Variants in DARS1 observed in about 807,000 individuals in gnomAD.
DARS1 encodes aspartyl-tRNA synthetase 1.
In DARS1, 51 loss-of-function variants were observed where a neutral mutation model predicts 68.8. The observed-to-expected ratio is 0.74, with a 90% CI of 0.59 to 0.94. The LOEUF (loss-of-function observed/expected upper bound fraction) is 0.94, where lower values mean the gene tolerates loss of function less well. DARS1 is among the 40% of genes least tolerant of loss of function. The probability of loss-of-function intolerance (pLI) is 0.00; values close to 1 mark genes in which losing one functional copy is unlikely to be tolerated. For missense variants in DARS1, 607 were observed against 597.3 expected (o/e 1.02, Z -0.17); for synonymous variants, 203 against 190.4 (o/e 1.07, Z -0.55).
intron 5 of DARS1, 147 bp from the exon 6 acceptor site, chr2:135,934,137 T>TA (rs1450342132): frequency 4.3e-6 from 6 of 1,382,350 alleles, no homozygotes; most frequent in Non-Finnish European, 5.7e-6. Context: ...AACAAGATGA[T>TA]ACAGGTTTTT....
At chr2:135,931,135 TAGA>T (rs1681334862) in intron 7 of DARS1, among the ~76,000 whole-genome samples, 1 of 152,236 alleles carries the variant, frequency 6.6e-6, no homozygotes, top group South Asian at 2.1e-4. Context: ...GTTTGTATTA[TAGA>T]AGAAGAATGG....
intron 11 of DARS1, 63 bp from the exon 12 acceptor site, chr2:135,914,574 G>T: frequency 1.1e-6 from 1 of 914,178 alleles, no homozygotes; most frequent in South Asian, 1.3e-5. Flanking sequence ...CATTAATAAG[G>T]AACTTCTTCT....
intron 4 of DARS1, among the ~76,000 whole-genome samples, chr2:135,956,617 G>C (rs1169521364): frequency 6.6e-6 from 1 of 152,164 alleles, no homozygotes; most frequent in Non-Finnish European, 1.5e-5. Flanking sequence ...AAAGGAATCT[G>C]AGGAGAGTTT....
intron 11 of DARS1, among the ~76,000 whole-genome samples, chr2:135,915,652 T>A (rs1680990021): frequency 6.6e-6 from 1 of 152,118 alleles, no homozygotes; most frequent in Non-Finnish European, 1.5e-5. Flanking sequence ...ATTTAGATAA[T>A]ACTATACTAA....
intron 2 of DARS1, among the ~76,000 whole-genome samples, chr2:135,981,123 G>C (rs1000518704): frequency 1.3e-5 from 2 of 152,190 alleles, no homozygotes; most frequent in Non-Finnish European, 2.9e-5. Flanking sequence ...ACCAAAGGCC[G>C]AATTTTACAT....
intron 5 of DARS1, among the ~76,000 whole-genome samples, chr2:135,935,508 G>T (rs1030483166): frequency 4.6e-5 from 7 of 152,128 alleles, no homozygotes; most frequent in Non-Finnish European, 8.8e-5. Flanking sequence ...GCTGAGGCAG[G>T]AGAATGGCGT....
intron 7 of DARS1, among the ~76,000 whole-genome samples, chr2:135,926,455 C>G (rs1681213405): frequency 1.3e-5 from 2 of 152,202 alleles, no homozygotes; most frequent in African/African-American, 4.8e-5. Context: ...AGACAGTGAA[C>G]AGTTATTCAC....
intron 6 of DARS1, 66 bp from the exon 7 acceptor site, chr2:135,932,908 A>G: frequency 1.3e-6 from 1 of 781,004 alleles, no homozygotes; most frequent in South Asian, 1.6e-5. Flanking sequence ...CACAAAAAAT[A>G]CTTTTAGAAG....
At chr2:135,952,405 T>C (rs528832445) in intron 4 of DARS1, among the ~76,000 whole-genome samples, 33 of 152,314 alleles carry the variant, frequency 2.2e-4, no homozygotes, top group Admixed American at 5.9e-4. Flanking sequence ...CATTTATCAC[T>C]TCCTTGTGGT....
chr2:135,972,324 A>T (rs567039891), intron 3 of DARS1, among the ~76,000 whole-genome samples: 6 of 152,310 alleles, frequency 3.9e-5, no homozygotes, highest in African/African-American at 1.4e-4. Context: ...AATAACATAC[A>T]TGGGGGAAAA....
chr2:135,914,417 CAA>C, intron 12 of DARS1, 50 bp downstream of exon 12: 1 of 906,132 alleles, frequency 1.1e-6, no homozygotes, highest in Admixed American at 1.7e-5. Context: ...TTTTTAGTCC[CAA>C]GAGACATTTC....
At chr2:135,962,037 C>G (rs1443781907) in intron 3 of DARS1, among the ~76,000 whole-genome samples, 1 of 152,162 alleles carries the variant, frequency 6.6e-6, no homozygotes, top group Admixed American at 6.5e-5. Context: ...AGGCTAGTGC[C>G]TTTCATGTTC....
chr2:135,963,711 GCT>G (rs1320765459), intron 3 of DARS1, among the ~76,000 whole-genome samples: 1 of 133,230 alleles, frequency 7.5e-6, no homozygotes, highest in Non-Finnish European at 1.6e-5. Context: ...ATGGCATCTC[GCT>G]CTGTTGCCCA....
At chr2:135,908,295 A>T (rs1680828819) in intron 15 of DARS1, among the ~76,000 whole-genome samples, 1 of 152,210 alleles carries the variant, frequency 6.6e-6, no homozygotes. Context: ...ACAGCGTTAA[A>T]ATACATAAAA....
intron 3 of DARS1, among the ~76,000 whole-genome samples, chr2:135,962,929 G>C (rs1015796485): frequency 6.6e-6 from 1 of 152,296 alleles, no homozygotes; most frequent in East Asian, 1.9e-4. Context: ...ATGTGCACAC[G>C]ACAGTGCTAG....
At position 135,979,326 on chromosome 2, in the gene DARS1, T is replaced by C. The variant is rs1682570315; in HGVS notation, c.165A>G (p.Lys55=). 2 of 1,518,456 alleles carry C rather than the reference T, an allele frequency of 1.3e-6. No homozygotes were observed. Among genetic ancestry groups the C allele is most frequent in the East Asian group, 4.5e-5 (2 of 44,396 alleles). 94.1% of individuals were successfully genotyped at this position (1,518,456 alleles called of 1,614,324 possible). The part of the protein sequence containing the change: ...LVRVRDLTIQ[K]ADEVVWVRAR... ...CACGTACCCAAACAACTTCATCAGC[T>C]TTTTGTATTGTCAAGTCTCTAACCC... Residue 55 remains lysine, a synonymous_variant, in exon 3 of 16, where the codon AAA becomes AAG. Transcript: ENST00000264161.
At chr2:135,978,971 A>ATT (rs5834455) in intron 3 of DARS1, 97 of 191,602 alleles carry the variant, frequency 5.1e-4, no homozygotes, top group Middle Eastern at 1.8e-3. Context: ...TTTTTTTTCA[A>ATT]TTTTTTTTTT....
Position 135,920,613 on chromosome 2 carries a change from T to A in DARS1, c.812-13A>T. On this transcript the variant is annotated splice_polypyrimidine_tract_variant and intron_variant, in intron 9 of 15. Transcript: ENST00000264161. The stretch of plus-strand genomic sequence containing the variant: ...TCCGCTCTGAATACTGTGAAGTTAA[T>A]AAAAGAAATAGAGAGCAAACACTGA... 1 of 1,570,700 alleles carries A rather than the reference T, an allele frequency of 6.4e-7. No individual in the cohort carries two copies. The highest frequency in any genetic ancestry group is 8.6e-7 in the Non-Finnish European group (1 of 1,163,944).
intron 8 of DARS1, among the ~76,000 whole-genome samples, 196 bp downstream of exon 8, chr2:135,924,191 G>A (rs1243694452): frequency 6.6e-6 from 1 of 152,150 alleles, no homozygotes; most frequent in Non-Finnish European, 1.5e-5. Context: ...AGGACTCCTG[G>A]AATAAGAAAA....
Sources: gnomAD v4.1 joint callset for allele counts (sites outside exome capture counted in the v4.1 genomes callset) on GRCh38, gnomAD v4.1.1 for gene constraint, MANE v1.5 for transcripts, NCBI Gene and HGNC (gene_info 2026-07-23, HGNC 2026-07-21) for gene names.